RAB3GAP1: variants seen among roughly 807,000 people sequenced by gnomAD.
The protein encoded by RAB3GAP1 is RAB3 GTPase activating protein catalytic subunit 1.
RAB3GAP1 carries 86 observed loss-of-function variants against 130.7 expected under a neutral mutation model. The observed-to-expected ratio is 0.66, with a 90% CI of 0.55 to 0.79. The LOEUF is 0.79. Among genes scored for constraint, RAB3GAP1 ranks in the 30% least tolerant of loss-of-function variants. The probability of loss-of-function intolerance (pLI) is 0.00; values close to 1 mark genes in which losing one functional copy is unlikely to be tolerated. For synonymous variants in RAB3GAP1, 367 were observed against 401.7 expected (o/e 0.91, Z 1.03); for missense variants, 1,029 against 1,169.4 (o/e 0.88, Z 1.75).
chr2:135,114,021 A>T (rs748327695), intron 6 of RAB3GAP1, among the ~76,000 whole-genome samples: 4 of 152,148 alleles, frequency 2.6e-5, no homozygotes, highest in Non-Finnish European at 5.9e-5. Context: ...GAATGCTAGG[A>T]TTATAGGTGT....
At chr2:135,055,656 T>G (rs1389871756) in intron 2 of RAB3GAP1, among the ~76,000 whole-genome samples, 1 of 148,062 alleles carries the variant, frequency 6.8e-6, no homozygotes, top group Non-Finnish European at 1.5e-5. Flanking sequence ...CCAGCCTGGG[T>G]GACAGAGTTG....
At chr2:135,118,948 T>TAA (rs1691107388) in intron 7 of RAB3GAP1, among the ~76,000 whole-genome samples, 1 of 152,174 alleles carries the variant, frequency 6.6e-6, no homozygotes, top group Non-Finnish European at 1.5e-5. Context: ...TGAGCCCTTT[T>TAA]GGTTTCATCC....
chr2:135,081,327 A>AAAAATAT (rs1363481112), intron 3 of RAB3GAP1, among the ~76,000 whole-genome samples: 14 of 64,042 alleles, frequency 2.2e-4, no homozygotes, highest in Admixed American at 8.5e-4. Context: ...AAAAAAAAAA[A>AAAAATAT]ATATATATAT....
intron 2 of RAB3GAP1, among the ~76,000 whole-genome samples, chr2:135,055,435 A>G (rs1370362431): frequency 6.6e-6 from 1 of 152,100 alleles, no homozygotes; most frequent in Non-Finnish European, 1.5e-5. Context: ...CCCAGCACTT[A>G]GAGAGGCTGA....
chr2:135,057,927 A>G (rs552125646), intron 2 of RAB3GAP1, 84 bp from the exon 3 acceptor site: 7 of 1,029,698 alleles, frequency 6.8e-6, no homozygotes, highest in Admixed American at 4.0e-5. Flanking sequence ...GTTAAAATAT[A>G]AAAAATACCT....
chr2:135,081,361 T>TATATATATATATAC (rs1216831944), intron 3 of RAB3GAP1, among the ~76,000 whole-genome samples: 78 of 71,186 alleles, frequency 1.1e-3, no homozygotes, highest in Non-Finnish European at 1.4e-3. Context: ...TATATATATA[T>TATATATATATATAC]ACACACACGT....
intron 3 of RAB3GAP1, among the ~76,000 whole-genome samples, chr2:135,066,740 G>T (rs1689333322): frequency 6.6e-6 from 1 of 152,112 alleles, no homozygotes; most frequent in Non-Finnish European, 1.5e-5. Flanking sequence ...TGAAGGCAAG[G>T]GAAGTAAAGA....
At chr2:135,074,148 G>A (rs1204022643) in intron 3 of RAB3GAP1, among the ~76,000 whole-genome samples, 1 of 152,208 alleles carries the variant, frequency 6.6e-6, no homozygotes, top group Non-Finnish European at 1.5e-5. Context: ...CTGTCTGGGT[G>A]CTGTTTGGGA....
chr2:135,130,576 T>C lies in RAB3GAP1; in HGVS notation c.1091T>C (p.Leu364Ser), dbSNP rs146595043. 2 of 1,613,550 alleles carry C rather than the reference T, an allele frequency of 1.2e-6. No homozygotes were observed. The highest frequency in any genetic ancestry group is 1.3e-5 in the African/African-American group (1 of 74,934). Residue 364 changes from leucine (L) to serine (S), a missense_variant, in exon 13 of 24, where the codon TTG becomes TCG. Leu to Ser is a moderately radical substitution (Grantham distance 145). Transcript: ENST00000264158. ...GKETADITHA[L>S]SKLTEPASVP... is the part of the protein sequence containing the mutation. ...GAAACTGCTGATATAACTCATGCTTTGTCAAAATTGACAGAGCCGGCATCA... is the reference window on the plus strand; with the variant it reads ...GAAACTGCTGATATAACTCATGCTTCGTCAAAATTGACAGAGCCGGCATCA...
intron 3 of RAB3GAP1, among the ~76,000 whole-genome samples, chr2:135,076,249 A>G (rs1689633004): frequency 6.6e-6 from 1 of 152,188 alleles, no homozygotes; most frequent in Non-Finnish European, 1.5e-5. Context: ...TCGGTCAAAG[A>G]GGACATGATT....
chr2:135,175,341 C>A (rs1412428373), downstream of RAB3GAP1: 1 of 152,232 alleles, frequency 6.6e-6, no homozygotes, highest in African/African-American at 2.4e-5. Context: ...CCAGGTGTGT[C>A]CTGGTAGACA....
At chr2:135,117,337 C>T (rs1691000663) in intron 7 of RAB3GAP1, among the ~76,000 whole-genome samples, 1 of 152,100 alleles carries the variant, frequency 6.6e-6, no homozygotes, top group Non-Finnish European at 1.5e-5. Context: ...CCTTTGCTCT[C>T]ACCAGAAGTC....
At chr2:135,056,132 G>A (rs772158722) in intron 2 of RAB3GAP1, among the ~76,000 whole-genome samples, 7 of 152,048 alleles carry the variant, frequency 4.6e-5, no homozygotes, top group Non-Finnish European at 1.0e-4. Flanking sequence ...CACCACGCCC[G>A]GCCGACATAT....
chr2:135,112,263 G>A (rs997637790), intron 5 of RAB3GAP1, among the ~76,000 whole-genome samples: 21 of 152,176 alleles, frequency 1.4e-4, no homozygotes, highest in Non-Finnish European at 2.6e-4. Flanking sequence ...GGCTGAAGCT[G>A]GAGACGGTAA....
chr2:135,104,577 G>C (rs1380847435), intron 5 of RAB3GAP1, among the ~76,000 whole-genome samples: 1 of 152,132 alleles, frequency 6.6e-6, no homozygotes, highest in Non-Finnish European at 1.5e-5. Context: ...TGGCGGCCAG[G>C]CGTGGTGGCT....
chr2:135,118,550 T>A (rs72978366), intron 7 of RAB3GAP1, among the ~76,000 whole-genome samples: 6,873 of 152,250 alleles, frequency 0.045, 527 homozygotes, highest in African/African-American at 0.16. Flanking sequence ...TGGATATTTG[T>A]CTCTTTTAGA....
Position 135,065,694 on chromosome 2 carries a change from C to T in RAB3GAP1, c.150+7608C>T, listed in dbSNP as rs114409556. Among the ~76,000 whole-genome samples the T allele has an allele frequency of 2.0e-3, 306 of 151,242 alleles. 1 individual carries two copies. The highest frequency in any genetic ancestry group is 7.0e-3 in the African/African-American group (289 of 41,112). ...GAGGGAGGCATATCTCATATGTATG[C>T]GTGAAAACTTAAACGTCACGCTTTC... On this transcript the variant is annotated intron_variant, in intron 3 of 23. Coordinates refer to ENST00000264158, the MANE Select transcript of RAB3GAP1 (RefSeq NM_012233.3).
chr2:135,061,276 A>T (rs62168952), intron 3 of RAB3GAP1, among the ~76,000 whole-genome samples: 6,405 of 152,142 alleles, frequency 0.042, 158 homozygotes, highest in African/African-American at 0.056. Flanking sequence ...TTGTGGGCAT[A>T]TGTTTTTATT....
At chr2:135,141,795 C>G (rs1221085531) in intron 17 of RAB3GAP1, among the ~76,000 whole-genome samples, 1 of 152,226 alleles carries the variant, frequency 6.6e-6, no homozygotes, top group African/African-American at 2.4e-5. Context: ...TCCACCACCA[C>G]TGTTGAAAAG....
Sources: gnomAD v4.1 joint callset for allele counts (sites outside exome capture counted in the v4.1 genomes callset) on GRCh38, gnomAD v4.1.1 for gene constraint, MANE v1.5 for transcripts, NCBI Gene and HGNC (gene_info 2026-07-23, HGNC 2026-07-21) for gene names.